The following STARD13 variants were observed in gnomAD, a reference collection of about 807,000 sequenced individuals.
STARD13 encodes StAR related lipid transfer domain containing 13.
Under a neutral mutation model 106.4 loss-of-function variants are expected in STARD13, and 62 were observed. The observed-to-expected ratio is 0.58, with a 90% CI of 0.48 to 0.72. The LOEUF is 0.72. Among genes scored for constraint, STARD13 ranks in the 30% least tolerant of loss-of-function variants. The probability of loss-of-function intolerance (pLI) is 0.00; values close to 1 mark genes in which losing one functional copy is unlikely to be tolerated. For missense variants in STARD13, 1,387 were observed against 1,424.0 expected (o/e 0.97, Z 0.42); for synonymous variants, 565 against 553.0 (o/e 1.02, Z -0.31).
chr13:33,612,154 T>C, the STARD13 span, among the ~76,000 whole-genome samples: 1 of 152,184 alleles, frequency 6.6e-6, no homozygotes, highest in Non-Finnish European at 1.5e-5. Context: ...GTAGAACTAT[T>C]GGGCTCCTAA....
At chr13:33,587,469 ACAAT>A in the STARD13 span, among the ~76,000 whole-genome samples, 1 of 152,124 alleles carries the variant, frequency 6.6e-6, no homozygotes. Flanking sequence ...TTCCTTATAA[ACAAT>A]CAATATACCC....
intron 1 of STARD13, among the ~76,000 whole-genome samples, chr13:33,261,343 G>A (rs948369121): frequency 6.6e-6 from 1 of 152,274 alleles, no homozygotes; most frequent in Non-Finnish European, 1.5e-5. Flanking sequence ...CCCAAATGTC[G>A]ATAGTGGGGA....
At chr13:33,672,443 G>A in the STARD13 span, among the ~76,000 whole-genome samples, 1 of 152,130 alleles carries the variant, frequency 6.6e-6, no homozygotes, top group African/African-American at 2.4e-5. Context: ...ATAATGGGTT[G>A]ACAGGTGCAG....
intron 1 of STARD13, among the ~76,000 whole-genome samples, chr13:33,215,111 T>A (rs1887955323): frequency 1.7e-5 from 1 of 60,002 alleles, no homozygotes; most frequent in African/African-American, 7.8e-5. Flanking sequence ...AGGAATAGAA[T>A]GAGTACTTGG....
upstream of STARD13, among the ~76,000 whole-genome samples, chr13:33,352,411 A>G (rs901351273): frequency 6.6e-6 from 1 of 152,240 alleles, no homozygotes; most frequent in African/African-American, 2.4e-5. Flanking sequence ...TTAACATTAT[A>G]TACACGGGAA....
At chr13:33,428,507 C>T in the STARD13 span, among the ~76,000 whole-genome samples, 1 of 152,040 alleles carries the variant, frequency 6.6e-6, no homozygotes, top group Non-Finnish European at 1.5e-5. Flanking sequence ...GGACAAAAGA[C>T]GTGAACAGAT....
intron 1 of STARD13, among the ~76,000 whole-genome samples, chr13:33,194,451 A>T (rs571164205): frequency 6.6e-6 from 1 of 152,334 alleles, no homozygotes; most frequent in South Asian, 2.1e-4. Flanking sequence ...GATTTACATT[A>T]TCTTGTAAAT....
the STARD13 span, among the ~76,000 whole-genome samples, chr13:33,360,704 A>AGCCAGAAGGAT: frequency 1.5e-5 from 1 of 68,532 alleles, no homozygotes; most frequent in Non-Finnish European, 3.0e-5. Context: ...GACAGAAGGA[A>AGCCAGAAGGAT]TCCTTCTGTG....
chr13:33,254,901 G>A (rs1434257605), intron 1 of STARD13, among the ~76,000 whole-genome samples: 1 of 152,152 alleles, frequency 6.6e-6, no homozygotes, highest in Non-Finnish European at 1.5e-5. Flanking sequence ...CTTTAAGTCT[G>A]TGTGTGACTT....
chr13:33,183,419 G>T (rs1220118638), intron 1 of STARD13, among the ~76,000 whole-genome samples: 1 of 152,148 alleles, frequency 6.6e-6, no homozygotes, highest in Non-Finnish European at 1.5e-5. Context: ...AAAGATCTTT[G>T]GCAAAGGAAA....
At chr13:33,171,664 A>C (rs541178249) in intron 1 of STARD13, among the ~76,000 whole-genome samples, 1 of 152,332 alleles carries the variant, frequency 6.6e-6, no homozygotes, top group South Asian at 2.1e-4. Flanking sequence ...GTCTAAGGAG[A>C]CCAATAGTCA....
the STARD13 span, among the ~76,000 whole-genome samples, chr13:33,397,207 A>G: frequency 6.6e-6 from 1 of 152,156 alleles, no homozygotes; most frequent in African/African-American, 2.4e-5. Flanking sequence ...ATAAACAGAC[A>G]TTGACTGCAT....
At chr13:33,187,811 T>C (rs887246531) in intron 1 of STARD13, among the ~76,000 whole-genome samples, 2 of 152,172 alleles carry the variant, frequency 1.3e-5, no homozygotes, top group South Asian at 2.1e-4. Context: ...GCCTCTCAAG[T>C]AGCTGGGATT....
chr13:33,674,040 A>G, the STARD13 span, among the ~76,000 whole-genome samples: 1 of 151,954 alleles, frequency 6.6e-6, no homozygotes, highest in Non-Finnish European at 1.5e-5. Flanking sequence ...TTGTATTTTT[A>G]GTAGAGACAG....
downstream of STARD13, among the ~76,000 whole-genome samples, chr13:33,344,588 G>A (rs547798563): frequency 3.3e-5 from 5 of 152,182 alleles, no homozygotes; most frequent in Non-Finnish European, 7.4e-5. Flanking sequence ...TTCACAGGAT[G>A]CTACTGTTGA....
the STARD13 span, among the ~76,000 whole-genome samples, chr13:33,478,535 A>G: frequency 3.9e-5 from 6 of 152,340 alleles, no homozygotes; most frequent in African/African-American, 1.4e-4. Context: ...ATTTTAATAA[A>G]ACTGATGTTA....
rs765156421 is a variant in STARD13, at chr13:33,129,713, C to T, written c.964G>A (p.Gly322Arg). The T allele has an allele frequency of 9.3e-6, 15 of 1,614,000 alleles. No homozygotes were observed. The highest frequency in any genetic ancestry group is 1.0e-5 in the Non-Finnish European group (12 of 1,180,046). The change falls in exon 5 of 14, where the codon GGG becomes AGG. Residue 322 changes from glycine (G) to arginine (R), a missense_variant. By Grantham distance (125) the Gly-to-Arg change is moderately radical (BLOSUM62 -2). Coordinates refer to ENST00000336934, the MANE Select transcript of STARD13 (RefSeq NM_178006.4). ...CTCGACTTGCCAGAGCATGGGAGCC[C>T]TTTTCTGCAGGCAGGTGGCGGCGAA... Reference protein sequence around the residue: ...QNSPPPACRKGLPCSGKSSGE... With the variant: ...QNSPPPACRKRLPCSGKSSGE...
At chr13:33,529,613 T>C in the STARD13 span, among the ~76,000 whole-genome samples, 1 of 152,146 alleles carries the variant, frequency 6.6e-6, no homozygotes, top group Non-Finnish European at 1.5e-5. Context: ...AAGGGTCATA[T>C]AGACAGATCT....
At chr13:33,601,519 A>G in the STARD13 span, among the ~76,000 whole-genome samples, 3 of 152,250 alleles carry the variant, frequency 2.0e-5, no homozygotes, top group African/African-American at 7.2e-5. Context: ...GAGCAATTCT[A>G]CTTTGATCTG....
Sources: allele counts gnomAD v4.1 joint callset (sites outside exome capture counted in the v4.1 genomes callset), GRCh38; gene constraint gnomAD v4.1.1; transcripts MANE v1.5; gene names NCBI Gene and HGNC (gene_info 2026-07-23, HGNC 2026-07-21).